The following CFDP1 variants were observed in gnomAD, a reference collection of about 807,000 sequenced individuals.
CFDP1 encodes chromatin remodeling protein CFDP1.
CFDP1 carries 31 observed loss-of-function variants against 40.1 expected under a neutral mutation model. That is an observed-to-expected ratio of 0.77 (90% CI 0.58 to 1.04). The LOEUF (loss-of-function observed/expected upper bound fraction) is 1.04. Ranked by LOEUF, CFDP1 falls within the 50% of genes least tolerant of loss-of-function variation. The probability of loss-of-function intolerance (pLI) is 0.00; values close to 1 mark genes in which losing one functional copy is unlikely to be tolerated. For missense variants in CFDP1, 423 were observed against 343.4 expected, an observed-to-expected ratio of 1.23 and a Z score of -1.83; for synonymous variants, 167 against 120.0, an observed-to-expected ratio of 1.39 and a Z score of -2.56.
intron 4 of CFDP1, chr16:75,409,427 G>T (rs888877196): frequency 6.6e-6 from 1 of 152,176 alleles, no homozygotes; most frequent in Non-Finnish European, 1.5e-5. Flanking sequence ...CCTGAGCCCC[G>T]CCGCCACAAA....
intron 1 of CFDP1, among the ~76,000 whole-genome samples, chr16:75,428,057 A>C (rs1340874902): frequency 6.6e-6 from 1 of 152,124 alleles, no homozygotes; most frequent in East Asian, 1.9e-4. Flanking sequence ...TGGAAAACAG[A>C]CCAGAGGTTG....
intron 4 of CFDP1, among the ~76,000 whole-genome samples, chr16:75,406,963 G>A (rs247431): frequency 0.17 from 26,559 of 152,156 alleles, 2,477 homozygotes; most frequent in East Asian, 0.39. Flanking sequence ...GGAGGTTGCA[G>A]TGAGCTGAGA....
At chr16:75,339,101 G>A (rs903084943) in intron 5 of CFDP1, among the ~76,000 whole-genome samples, 3 of 151,542 alleles carry the variant, frequency 2.0e-5, no homozygotes, top group Non-Finnish European at 4.4e-5. Flanking sequence ...CACTGTCTCT[G>A]TCTCCTCCTC....
chr16:75,339,041 G>A (rs1299137734), intron 5 of CFDP1, among the ~76,000 whole-genome samples: 1 of 151,812 alleles, frequency 6.6e-6, no homozygotes, highest in Non-Finnish European at 1.5e-5. Context: ...TGTTGCTTAC[G>A]TTCTGGGAAA....
At chr16:75,311,787 T>TC (rs34434489) in intron 5 of CFDP1, among the ~76,000 whole-genome samples, 10 of 150,590 alleles carry the variant, frequency 6.6e-5, no homozygotes, top group Non-Finnish European at 1.0e-4. Context: ...TTTTTTTTTT[T>TC]CAAGAAAGAG....
At chr16:75,320,780 T>C (rs1305791552) in intron 5 of CFDP1, among the ~76,000 whole-genome samples, 1 of 152,196 alleles carries the variant, frequency 6.6e-6, no homozygotes, top group African/African-American at 2.4e-5. Context: ...TGGTCTCATG[T>C]GAATTAAACA....
intron 6 of CFDP1, among the ~76,000 whole-genome samples, chr16:75,304,793 CCT>C (rs1030579261): frequency 1.6e-4 from 25 of 152,302 alleles, no homozygotes; most frequent in African/African-American, 5.5e-4. Flanking sequence ...GTGACTGGCC[CCT>C]GAGAGTACTC....
Position 75,414,578 on chromosome 16 carries a change from C to G in CFDP1, c.182G>C (p.Arg61Thr). ...KKRKAQSIPA[R>T]KRRQGGLSLE... ...CTAAGGGCCTTGAAGGCAGCATCAC[C>G]TGGCTGGAATGCTCTGGGCCTTTCT... Residue 61 changes from arginine to threonine, a missense_variant and splice_region_variant, in exon 2 of 7, where the codon AGG (arginine) becomes ACG (threonine). Arg to Thr is a moderately conservative substitution (Grantham distance 71). Coordinates refer to ENST00000283882, the MANE Select transcript of CFDP1 (RefSeq NM_006324.3). 1 of 1,598,684 alleles carries G rather than the reference C, an allele frequency of 6.3e-7. No homozygotes were observed. The highest frequency in any genetic ancestry group is 8.6e-7 in the Non-Finnish European group (1 of 1,166,074).
intron 4 of CFDP1, among the ~76,000 whole-genome samples, chr16:75,409,176 A>T (rs2079133247): frequency 6.6e-6 from 1 of 152,128 alleles, no homozygotes; most frequent in African/African-American, 2.4e-5. Context: ...TGTTTTAATA[A>T]CAGAATAAAA....
At chr16:75,363,245 G>C (rs984721096) in intron 5 of CFDP1, among the ~76,000 whole-genome samples, 1 of 145,146 alleles carries the variant, frequency 6.9e-6, no homozygotes, top group Non-Finnish European at 1.5e-5. Context: ...ATAGTAAAAA[G>C]ACTTAATGTA....
At chr16:75,354,405 A>G (rs2078633312) in intron 5 of CFDP1, among the ~76,000 whole-genome samples, 1 of 152,164 alleles carries the variant, frequency 6.6e-6, no homozygotes, top group Admixed American at 6.5e-5. Flanking sequence ...AGAGCGGGAT[A>G]TGGCCAGGGA....
At chr16:75,419,149 A>G in intron 1 of CFDP1, 2 of 328,972 alleles carry the variant, frequency 6.1e-6, no homozygotes, top group South Asian at 2.4e-5. Flanking sequence ...AAAAGGATAC[A>G]AGATCCAGCC....
chr16:75,428,145 T>C (rs1209486579), intron 1 of CFDP1, among the ~76,000 whole-genome samples: 1 of 151,914 alleles, frequency 6.6e-6, no homozygotes, highest in Non-Finnish European at 1.5e-5. Context: ...TTTTTTTTTT[T>C]TAAGAGGGTT....
chr16:75,332,448 G>C (rs1410116266), intron 5 of CFDP1, among the ~76,000 whole-genome samples: 2 of 151,924 alleles, frequency 1.3e-5, no homozygotes, highest in East Asian at 3.9e-4. Flanking sequence ...CTGGGTGACA[G>C]AGTGAGACTC....
intron 5 of CFDP1, among the ~76,000 whole-genome samples, chr16:75,378,009 G>A (rs2078816637): frequency 2.0e-5 from 3 of 152,130 alleles, no homozygotes. Context: ...CAGCATCTAT[G>A]GTAGAAAACA....
intron 4 of CFDP1, among the ~76,000 whole-genome samples, chr16:75,404,694 C>T (rs2079084085): frequency 6.6e-6 from 1 of 150,754 alleles, no homozygotes; most frequent in Admixed American, 6.6e-5. Flanking sequence ...TACAAATGGC[C>T]TGGACTCTTA....
At chr16:75,403,313 G>T (rs1241606482) in intron 4 of CFDP1, among the ~76,000 whole-genome samples, 1 of 152,130 alleles carries the variant, frequency 6.6e-6, no homozygotes. Flanking sequence ...CTGCCTCCTG[G>T]TCTCAAGGGA....
chr16:75,334,569 A>G (rs986869854), intron 5 of CFDP1, among the ~76,000 whole-genome samples: 2 of 151,936 alleles, frequency 1.3e-5, no homozygotes, highest in East Asian at 1.9e-4. Context: ...TGACTTAGGC[A>G]TAAGTCTCTT....
chr16:75,395,297 G>T (rs2078987045), intron 4 of CFDP1, 88 bp from the exon 5 acceptor site: 3 of 1,346,672 alleles, frequency 2.2e-6, no homozygotes, highest in African/African-American at 1.5e-5. Flanking sequence ...ACTAGAAAAA[G>T]ATCCACTCGG....
Sources: allele counts gnomAD v4.1 joint callset (sites outside exome capture counted in the v4.1 genomes callset), GRCh38; gene constraint gnomAD v4.1.1; transcripts MANE v1.5; gene names NCBI Gene and HGNC (gene_info 2026-07-23, HGNC 2026-07-21).